NUP42: variants seen among roughly 807,000 people sequenced by gnomAD.
NUP42 encodes nucleoporin 42.
NUP42 carries 47 observed loss-of-function variants against 35.9 expected under a neutral mutation model. The observed-to-expected ratio is 1.31, with a 90% CI of 1.04 to 1.67. The LOEUF (loss-of-function observed/expected upper bound fraction) is 1.67, where lower values mean the gene tolerates loss of function less well. Ranked by LOEUF, NUP42 falls within the 40% of genes most tolerant of loss-of-function variation. The pLI is 0.00. For missense variants in NUP42, 514 were observed against 492.2 expected (o/e 1.04, Z -0.42); for synonymous variants, 173 against 173.3 (o/e 1.00, Z 0.01).
chr7:23,200,226 C>T lies in NUP42; in HGVS notation c.753C>T (p.Asn251=), dbSNP rs762288670. 1.2e-6 allele frequency: 2 copies of T among 1,604,026 alleles called. No individual in the cohort carries two copies. The highest frequency in any genetic ancestry group is 1.7e-6 in the Non-Finnish European group (2 of 1,173,898). Residue 251 remains asparagine (N), a synonymous_variant, in exon 7 of 7, where the codon AAC becomes AAT. Transcript: ENST00000258742. ...CTCAGAACTTTAGTTTTAAAACAAA[C>T]TCTGGATTTGCTGCTGCCTCTTCTG... The part of the protein sequence containing the change: ...DNAQNFSFKT[N]SGFAAASSGS...
At chr7:23,196,806 T>TCA in intron 5 of NUP42, 40 bp downstream of exon 5, 2 of 1,373,716 alleles carry the variant, frequency 1.5e-6, no homozygotes, top group Non-Finnish European at 2.1e-6. Context: ...GTGTCTTACC[T>TCA]ATTGCTTTTT....
At chr7:23,193,991 T>C (rs1785915853) in intron 3 of NUP42, among the ~76,000 whole-genome samples, 3 of 152,336 alleles carry the variant, frequency 2.0e-5, no homozygotes, top group South Asian at 4.1e-4. Flanking sequence ...AGCTTCTCAT[T>C]GCCCGGCAGG....
intron 3 of NUP42, among the ~76,000 whole-genome samples, chr7:23,194,117 C>T (rs1785922115): frequency 1.3e-5 from 2 of 152,194 alleles, no homozygotes; most frequent in South Asian, 4.1e-4. Context: ...CCCTCCACAC[C>T]TCCCTGCAAG....
rs10634 is a variant in NUP42, at chr7:23,200,977, A to G, written c.*232A>G. 19,297 of 274,570 alleles carry G rather than the reference A, an allele frequency of 0.07. 1,120 individuals carry two copies. The highest frequency in any genetic ancestry group is 0.18 in the African/African-American group (8,216 of 45,826). The allele number at this position is 274,570 out of a possible 1,614,324, so 17.0% of individuals were successfully genotyped here. A position where few individuals can be genotyped will look rare whatever the true frequency, so the allele number is the denominator to read the frequency against. On this transcript the variant is annotated 3_prime_UTR_variant, in exon 7 of 7. Coordinates refer to ENST00000258742, the MANE Select transcript of NUP42 (RefSeq NM_007342.3). The stretch of plus-strand genomic sequence containing the variant: ...TAATTTTGAATGGAACTGAAAAATT[A>G]TGCACGAATAAAGTACTTTTCTCAT...
intron 1 of NUP42, 75 bp from the exon 2 acceptor site, chr7:23,184,995 G>A (rs1785540459): frequency 8.0e-7 from 1 of 1,249,970 alleles, no homozygotes; most frequent in Non-Finnish European, 1.1e-6. Flanking sequence ...AAAAGAGTGA[G>A]ACCCTATCTC....
intron 5 of NUP42, among the ~76,000 whole-genome samples, chr7:23,197,715 C>T (rs1786061442): frequency 6.6e-6 from 1 of 152,160 alleles, no homozygotes; most frequent in Non-Finnish European, 1.5e-5. Context: ...CCACCCATAG[C>T]TGACTTAACA....
chr7:23,187,627 A>C (rs1208541873), intron 3 of NUP42, among the ~76,000 whole-genome samples: 1 of 98,952 alleles, frequency 1.0e-5, no homozygotes, highest in African/African-American at 4.7e-5. Flanking sequence ...TTTTTTTGAG[A>C]CGGAGTTTCA....
intron 1 of NUP42, 143 bp downstream of exon 1, chr7:23,182,349 C>G (rs1785437710): frequency 1.4e-6 from 2 of 1,440,058 alleles, no homozygotes; most frequent in East Asian, 5.0e-5. Context: ...CCCTGCACAA[C>G]GTTTTTAAAC....
intron 3 of NUP42, among the ~76,000 whole-genome samples, chr7:23,189,523 G>C (rs1004378479): frequency 1.3e-5 from 2 of 152,202 alleles, no homozygotes; most frequent in African/African-American, 4.8e-5. Flanking sequence ...GCTGAGGTGG[G>C]GGGATCACTT....
intron 2 of NUP42, 142 bp from the exon 3 acceptor site, chr7:23,186,910 C>G (rs112804363): frequency 3.5e-6 from 2 of 577,998 alleles, no homozygotes. Flanking sequence ...TAAACTTGTG[C>G]TTTAAAGAAC....
At chr7:23,189,912 C>CA (rs201659228) in intron 3 of NUP42, among the ~76,000 whole-genome samples, 2,664 of 86,844 alleles carry the variant, frequency 0.031, 44 homozygotes, top group African/African-American at 0.069. Context: ...GACTCTGTCT[C>CA]AAAAAAAAAA....
intron 3 of NUP42, chr7:23,194,420 C>T (rs1462405430): frequency 6.7e-6 from 1 of 148,400 alleles, no homozygotes; most frequent in African/African-American, 2.5e-5. Flanking sequence ...GCAGTGGCGC[C>T]ATCTCAGCTC....
At chr7:23,190,231 G>A (rs917860754) in intron 3 of NUP42, among the ~76,000 whole-genome samples, 3 of 152,148 alleles carry the variant, frequency 2.0e-5, no homozygotes, top group Non-Finnish European at 2.9e-5. Flanking sequence ...TTTCCAATAC[G>A]TGTCTGTGTG....
chr7:23,197,987 G>T (rs369752583), intron 5 of NUP42, among the ~76,000 whole-genome samples: 1 of 152,036 alleles, frequency 6.6e-6, no homozygotes, highest in African/African-American at 2.4e-5. Context: ...AGTGGCTCAC[G>T]CCTGTAATCC....
chr7:23,193,419 T>G, intron 3 of NUP42, among the ~76,000 whole-genome samples: 1 of 151,982 alleles, frequency 6.6e-6, no homozygotes, highest in Non-Finnish European at 1.5e-5. Flanking sequence ...ACACAAAGGT[T>G]CTCCAAGTCC....
In NUP42 at chr7:23,185,152, A is replaced by G. The variant is rs1038519750; in HGVS notation, c.204A>G (p.Pro68=). ...CATCCAGTTTCTCCAAATCCACACCATGGGGGGGCAGCAGAGATCAAGAAA... is the reference window on the plus strand; with the variant it reads ...CATCCAGTTTCTCCAAATCCACACCGTGGGGGGGCAGCAGAGATCAAGAAA... ...IQPSSFSKST[P]WGGSRDQEKP... The change falls in exon 2 of 7, where the codon CCA becomes CCG. Residue 68 remains proline, a synonymous_variant. Coordinates refer to ENST00000258742, the MANE Select transcript of NUP42 (RefSeq NM_007342.3). The G allele has an allele frequency of 1.8e-5, 29 of 1,614,074 alleles. No individual in the cohort carries two copies. Among genetic ancestry groups the G allele is most frequent in the Non-Finnish European group, 2.5e-5 (29 of 1,180,040 alleles).
intron 5 of NUP42, chr7:23,198,224 T>TTC (rs1554296934): frequency 7.0e-6 from 1 of 142,062 alleles, no homozygotes; most frequent in African/African-American, 2.7e-5. Context: ...TTTTTTTTTT[T>TTC]TTTTTTGAGG....
At chr7:23,184,135 T>TATA (rs952146109) in intron 1 of NUP42, among the ~76,000 whole-genome samples, 1 of 152,198 alleles carries the variant, frequency 6.6e-6, no homozygotes, top group Non-Finnish European at 1.5e-5. Context: ...CTCATTTTGA[T>TATA]ATTTATGAAA....
intron 5 of NUP42, 155 bp from the exon 6 acceptor site, chr7:23,199,303 C>T (rs994947107): frequency 6.7e-6 from 4 of 597,982 alleles, no homozygotes; most frequent in African/African-American, 5.6e-5. Flanking sequence ...TCACCCTCCT[C>T]AGCCTCCCAA....
Sources: allele counts gnomAD v4.1 joint callset (sites outside exome capture counted in the v4.1 genomes callset), GRCh38; gene constraint gnomAD v4.1.1; transcripts MANE v1.5; gene names NCBI Gene and HGNC (gene_info 2026-07-23, HGNC 2026-07-21).